The following FRMD4A variants were observed in gnomAD, a reference collection of about 807,000 sequenced individuals.
The protein encoded by FRMD4A is FERM domain containing 4A.
FRMD4A carries 29 observed loss-of-function variants against 129.1 expected under a neutral mutation model. The ratio of observed to expected loss-of-function variants is 0.22; its 90% CI spans 0.17 to 0.31. The LOEUF (loss-of-function observed/expected upper bound fraction) is 0.31, where lower values mean the gene tolerates loss of function less well. Ranked by LOEUF, FRMD4A falls within the 10% of genes least tolerant of loss-of-function variation. The pLI, the probability that FRMD4A is intolerant of heterozygous loss-of-function variation, is 1.00. For synonymous variants in FRMD4A, 634 were observed against 571.6 expected (o/e 1.11, Z -1.56); for missense variants, 1,272 against 1,375.8 (o/e 0.92, Z 1.19).
At chr10:14,094,647 T>C (rs552882645) in intron 2 of FRMD4A, among the ~76,000 whole-genome samples, 4 of 152,298 alleles carry the variant, frequency 2.6e-5, no homozygotes, top group African/African-American at 9.6e-5. Flanking sequence ...TCCTGTCTGC[T>C]TCAGAAACCA....
At chr10:14,174,449 C>G (rs1446542331) in intron 2 of FRMD4A, among the ~76,000 whole-genome samples, 5 of 152,180 alleles carry the variant, frequency 3.3e-5, no homozygotes, top group African/African-American at 1.2e-4. Flanking sequence ...GGGCAGGAGG[C>G]GAGGGGGGCT....
chr10:14,060,707 G>A (rs1834766998), intron 2 of FRMD4A, among the ~76,000 whole-genome samples: 1 of 152,184 alleles, frequency 6.6e-6, no homozygotes, highest in Non-Finnish European at 1.5e-5. Flanking sequence ...AATTTGGTGG[G>A]TGATCAAGGC....
At chr10:13,986,554 G>A (rs1273183449) in intron 2 of FRMD4A, among the ~76,000 whole-genome samples, 7 of 144,178 alleles carry the variant, frequency 4.9e-5, no homozygotes, top group Non-Finnish European at 1.1e-4. Context: ...GCTAAATGAC[G>A]AGTTAATGGG....
At chr10:14,258,790 G>T (rs756348962) in intron 2 of FRMD4A, among the ~76,000 whole-genome samples, 8 of 152,148 alleles carry the variant, frequency 5.3e-5, no homozygotes, top group Non-Finnish European at 1.0e-4. Flanking sequence ...TGGTTGAACA[G>T]ATAAACAAAA....
chr10:14,227,688 T>A (rs1302509492), intron 2 of FRMD4A, among the ~76,000 whole-genome samples: 1 of 152,168 alleles, frequency 6.6e-6, no homozygotes, highest in African/African-American at 2.4e-5. Flanking sequence ...AAATACCCAA[T>A]TTCTGCATCC....
At position 13,643,955 on chromosome 10, in the gene FRMD4A, G is replaced by C. The variant is rs943919409; in HGVS notation, c.*3083C>G. 6.6e-6 allele frequency: 1 copy of C among 152,424 alleles called. No homozygotes were observed. The highest frequency in any genetic ancestry group is 6.6e-5 in the Admixed American group (1 of 15,258). 9.4% of individuals were successfully genotyped at this position (152,424 alleles called of 1,614,324 possible). On this transcript the variant is annotated 3_prime_UTR_variant, in exon 25 of 25. Transcript: ENST00000357447. ...TCTTTTTTCCCCCATTATTAAACTA[G>C]AGTCCATTTTACACAACTTGTAATA...
rs946958164 is a variant in FRMD4A, at chr10:13,993,860, T to A, written c.46-134948A>T. Among the ~76,000 whole-genome samples, 48 of 150,988 alleles carry A rather than the reference T, an allele frequency of 3.2e-4. 1 individual carries two copies. The highest frequency in any genetic ancestry group is 2.5e-3 in the Admixed American group (38 of 15,082). On this transcript the variant is annotated intron_variant, in intron 2 of 24. Coordinates refer to ENST00000357447, the MANE Select transcript of FRMD4A (RefSeq NM_018027.5). ...AATAGGTTTTTTTTTTTTAAAAAAA[T>A]ATATATTCTGATTTAGCACTAGGAT...
At chr10:14,208,636 C>A (rs1423966724) in intron 2 of FRMD4A, among the ~76,000 whole-genome samples, 1 of 152,124 alleles carries the variant, frequency 6.6e-6, no homozygotes, top group East Asian at 1.9e-4. Flanking sequence ...GCCACTCACC[C>A]CCTGCCTACA....
intron 2 of FRMD4A, among the ~76,000 whole-genome samples, chr10:14,169,565 C>G (rs1231992122): frequency 6.6e-6 from 1 of 152,006 alleles, no homozygotes; most frequent in Non-Finnish European, 1.5e-5. Flanking sequence ...CACCCTTTAC[C>G]AAAAAAACTG....
chr10:14,076,591 G>A (rs1413554329), intron 2 of FRMD4A, among the ~76,000 whole-genome samples: 1 of 151,800 alleles, frequency 6.6e-6, no homozygotes, highest in Admixed American at 6.6e-5. Context: ...AGTGAGCTGA[G>A]ATCACGCCAC....
intron 2 of FRMD4A, among the ~76,000 whole-genome samples, chr10:13,967,915 G>A (rs1285360666): frequency 6.6e-6 from 1 of 152,304 alleles, no homozygotes; most frequent in Non-Finnish European, 1.5e-5. Context: ...GCGTGGTGGC[G>A]CATGCCTGTG....
At chr10:14,078,394 C>T (rs12243426) in intron 2 of FRMD4A, among the ~76,000 whole-genome samples, 19,052 of 152,166 alleles carry the variant, frequency 0.13, 1,676 homozygotes, top group African/African-American at 0.24. Flanking sequence ...GGAAATCTTC[C>T]GACTTGTGTC....
At chr10:13,804,604 C>A (rs1390580757) in intron 4 of FRMD4A, among the ~76,000 whole-genome samples, 1 of 148,698 alleles carries the variant, frequency 6.7e-6, no homozygotes, top group East Asian at 1.9e-4. Flanking sequence ...AGTTCAGTGG[C>A]ATGATCTTGG....
intron 2 of FRMD4A, among the ~76,000 whole-genome samples, chr10:13,910,931 A>C (rs2094935057): frequency 7.1e-6 from 1 of 140,722 alleles, no homozygotes; most frequent in Non-Finnish European, 1.5e-5. Flanking sequence ...AAAAAAGTCT[A>C]GTGGTTTGAA....
At chr10:13,767,083 C>T (rs1016818309) in intron 6 of FRMD4A, among the ~76,000 whole-genome samples, 8 of 152,026 alleles carry the variant, frequency 5.3e-5, no homozygotes, top group African/African-American at 1.7e-4. Flanking sequence ...AAAGACAAAA[C>T]GAAACGAAAC....
At chr10:13,871,376 G>C (rs2094437719) in intron 2 of FRMD4A, among the ~76,000 whole-genome samples, 3 of 152,210 alleles carry the variant, frequency 2.0e-5, no homozygotes, top group Non-Finnish European at 4.4e-5. Context: ...GGAAGAGTTT[G>C]TGTTGTGACA....
intron 2 of FRMD4A, among the ~76,000 whole-genome samples, chr10:13,952,868 G>A (rs966923730): frequency 2.0e-5 from 3 of 151,316 alleles, no homozygotes; most frequent in Non-Finnish European, 2.9e-5. Context: ...ATTTTTTTTC[G>A]TATTTTTAGT....
At chr10:14,089,489 G>A (rs1333087653) in intron 2 of FRMD4A, among the ~76,000 whole-genome samples, 3 of 152,034 alleles carry the variant, frequency 2.0e-5, no homozygotes, top group South Asian at 2.1e-4. Flanking sequence ...GGGCCAGCCC[G>A]TTCTATGTTT....
intron 3 of FRMD4A, among the ~76,000 whole-genome samples, chr10:13,815,388 G>A (rs895101221): frequency 1.1e-4 from 17 of 152,154 alleles, no homozygotes; most frequent in African/African-American, 3.9e-4. Flanking sequence ...AGGTTGTCAC[G>A]GGCTGAGGTG....
Sources: gnomAD v4.1 joint callset for allele counts (sites outside exome capture counted in the v4.1 genomes callset) on GRCh38, gnomAD v4.1.1 for gene constraint, MANE v1.5 for transcripts, NCBI Gene and HGNC (gene_info 2026-07-23, HGNC 2026-07-21) for gene names.